TMEM63B: variants seen among roughly 807,000 people sequenced by gnomAD.
The protein encoded by TMEM63B is transmembrane protein 63B, also known as mechanosensitive cation channel TMEM63B.
TMEM63B carries 23 observed loss-of-function variants against 102.6 expected under a neutral mutation model. The observed-to-expected ratio is 0.22, with a 90% CI of 0.16 to 0.32. TMEM63B has a LOEUF of 0.32. TMEM63B is among the 10% of genes least tolerant of loss of function. The probability of loss-of-function intolerance (pLI) is 1.00; values close to 1 mark genes in which losing one functional copy is unlikely to be tolerated. For missense variants in TMEM63B, 628 were observed against 1,095.9 expected, an observed-to-expected ratio of 0.57 and a Z score of 6.03; for synonymous variants, 444 against 437.0, an observed-to-expected ratio of 1.02 and a Z score of -0.20.
At chr6:44,141,214 G>C (rs1438210013) in intron 10 of TMEM63B, 116 bp downstream of exon 10, 1 of 1,039,818 alleles carries the variant, frequency 9.6e-7, no homozygotes, top group Admixed American at 2.9e-5. Flanking sequence ...GTGGGATAGA[G>C]ATTAGATCCA....
At chr6:44,144,063 G>A (rs948409654) in intron 10 of TMEM63B, among the ~76,000 whole-genome samples, 3 of 152,174 alleles carry the variant, frequency 2.0e-5, no homozygotes, top group Non-Finnish European at 4.4e-5. Flanking sequence ...TATAAGCAGG[G>A]GTAAGGGAGA....
intron 4 of TMEM63B, among the ~76,000 whole-genome samples, chr6:44,136,034 CA>C (rs1400149549): frequency 6.6e-6 from 1 of 152,160 alleles, no homozygotes; most frequent in African/African-American, 2.4e-5. Flanking sequence ...CCCTGCCAGT[CA>C]ACTCTGGAAC....
At chr6:44,140,928 TCAAAA>T (rs1465261829) in intron 9 of TMEM63B, 95 bp from the exon 10 acceptor site, 9 of 1,063,278 alleles carry the variant, frequency 8.5e-6, no homozygotes, top group African/African-American at 3.2e-5. Context: ...CTCTACCCAC[TCAAAA>T]CAAAGCCTCT....
chr6:44,139,596 A>G lies in TMEM63B; in HGVS notation c.537A>G (p.Ser179=), dbSNP rs747373916. Residue 179 remains serine (S), a synonymous_variant, in exon 7 of 24, where the codon TCA becomes TCG. Transcript: ENST00000323267. ...SVGIVLPVNF[S]GDLLENNAYS... Reference sequence around the variant, plus strand: ...GCATCGTGCTGCCTGTCAACTTCTCAGGGGACCTGCTGGGTCAGTGAGGGC... The same window carrying G: ...GCATCGTGCTGCCTGTCAACTTCTCGGGGGACCTGCTGGGTCAGTGAGGGC... The G allele has an allele frequency of 9.9e-6, 16 of 1,614,062 alleles. No homozygotes were observed. The East Asian group carries it at 2.2e-4, about 22-fold the overall frequency.
At chr6:44,153,883 G>C (rs764864259) in intron 21 of TMEM63B, 40 bp downstream of exon 21, 2 of 1,598,632 alleles carry the variant, frequency 1.3e-6, no homozygotes, top group Non-Finnish European at 1.7e-6. Flanking sequence ...GTGGCGAGCA[G>C]AGTGGATTCC....
rs1767867177 is a variant in TMEM63B at position 44,155,474 on chromosome 6, CT to C, written c.*597del. ...CTGTTTTTTTTTTGGTTTTTTTGTT[CT>C]TTTTTGTTTTTTTCCTTTAAAATAA... On this transcript the variant is annotated 3_prime_UTR_variant, in exon 24 of 24. Coordinates refer to ENST00000323267, the MANE Select transcript of TMEM63B (RefSeq NM_018426.3). 1 of 150,394 alleles carries C rather than the reference CT, an allele frequency of 6.6e-6. No homozygotes were observed. 9.3% of individuals were successfully genotyped at this position (150,394 alleles called of 1,614,324 possible). A position where few individuals can be genotyped will look rare whatever the true frequency, so the allele number is the denominator to read the frequency against.
intron 23 of TMEM63B, 85 bp from the exon 24 acceptor site, chr6:44,154,607 A>C: frequency 6.8e-7 from 1 of 1,478,558 alleles, no homozygotes; most frequent in Admixed American, 2.2e-5. Flanking sequence ...GGCCCTGCCC[A>C]CTCTGCTGTC....
chr6:44,127,523 T>TC (rs1193911550), upstream of TMEM63B: 12 of 71,940 alleles, frequency 1.7e-4, no homozygotes, highest in Admixed American at 4.9e-4. Context: ...CTCCGCCCCC[T>TC]CCCCCTCCCT....
Position 44,154,800 on chromosome 6 carries a change from T to C in TMEM63B, c.2416T>C (p.Leu806=). 1 of 1,610,228 alleles carries C rather than the reference T, an allele frequency of 6.2e-7. No individual in the cohort carries two copies. Among genetic ancestry groups the C allele is most frequent in the Non-Finnish European group, 8.5e-7 (1 of 1,179,078 alleles). ...ATCATCCTCATCCCAAGATGAGGAG[T>C]TGCTGATGCCACCCGACGCCCTCAC... ...PPSSSSQDEE[L]LMPPDALTDT... is the part of the protein sequence containing the mutation. The change falls in exon 24 of 24, where the codon TTG becomes CTG. Residue 806 remains leucine, a synonymous_variant. Coordinates refer to ENST00000323267, the MANE Select transcript of TMEM63B (RefSeq NM_018426.3).
intron 4 of TMEM63B, 110 bp downstream of exon 4, chr6:44,135,476 C>T: frequency 7.5e-7 from 1 of 1,340,612 alleles, no homozygotes; most frequent in South Asian, 1.4e-5. Context: ...GCAGTTTTCT[C>T]CTCTGCAGGC....
At position 44,150,390 on chromosome 6, in the gene TMEM63B, C is replaced by T; in HGVS notation, c.1607+80C>T. On this transcript the variant is annotated intron_variant, in intron 17 of 23. Transcript: ENST00000323267. This position sits in a 1 kb window ranked among gnomAD's most constrained non-coding sequence, Gnocchi z 4.7. Reference sequence around the variant, plus strand: ...GAGGAGAGCAGTTCAGCCTCCCTACCTCCCCTACAAAGCAAGGGGCCCAAG... The same window carrying T: ...GAGGAGAGCAGTTCAGCCTCCCTACTTCCCCTACAAAGCAAGGGGCCCAAG... 1 of 1,503,690 alleles carries T rather than the reference C, an allele frequency of 6.7e-7. No individual in the cohort carries two copies. Among genetic ancestry groups the T allele is most frequent in the Non-Finnish European group, 9.2e-7 (1 of 1,081,542 alleles). 93.1% of individuals were successfully genotyped at this position (1,503,690 alleles called of 1,614,324 possible).
At chr6:44,154,612 G>A in intron 23 of TMEM63B, 80 bp from the exon 24 acceptor site, 1 of 1,487,884 alleles carries the variant, frequency 6.7e-7, no homozygotes. Context: ...TGCCCACTCT[G>A]CTGTCCTACA....
chr6:44,147,836 T>C (rs1294456845), intron 12 of TMEM63B, among the ~76,000 whole-genome samples: 1 of 152,026 alleles, frequency 6.6e-6, no homozygotes, highest in African/African-American at 2.4e-5. Flanking sequence ...TAAAGAAGCT[T>C]AGAGGTGCTG....
chr6:44,140,533 A>C, intron 9 of TMEM63B, 173 bp downstream of exon 9: 2 of 693,020 alleles, frequency 2.9e-6, no homozygotes, highest in East Asian at 2.7e-5. Context: ...TGATTTTCTC[A>C]TCTGTAAAAT....
chr6:44,143,699 G>T (rs1168162944), intron 10 of TMEM63B, among the ~76,000 whole-genome samples: 2 of 152,108 alleles, frequency 1.3e-5, no homozygotes, highest in African/African-American at 4.8e-5. Context: ...TCATTTTAGT[G>T]GGGAGGGGTG....
chr6:44,140,265 T>C lies in TMEM63B; in HGVS notation c.616T>C (p.Trp206Arg), dbSNP rs1302019812. 1.9e-6 allele frequency: 3 copies of C among 1,613,866 alleles called. No individual in the cohort carries two copies. Among genetic ancestry groups the C allele is most frequent in the Non-Finnish European group, 2.5e-6 (3 of 1,179,932 alleles). The part of the protein sequence containing the change: ...ANLKSGNNLL[W>R]LHTSFAFLYL... Reference sequence around the variant, plus strand: ...TGCTTCTCCCAGGAACAACCTGCTATGGCTGCACACCTCCTTCGCCTTCCT... The same window carrying C: ...TGCTTCTCCCAGGAACAACCTGCTACGGCTGCACACCTCCTTCGCCTTCCT... The change falls in exon 9 of 24, where the codon TGG becomes CGG. Residue 206 changes from tryptophan (W) to arginine (R), a missense_variant. Physicochemically the swap from Trp to Arg is moderately radical, Grantham distance 101. Transcript: ENST00000323267.
chr6:44,145,096 G>A (rs1369605170), intron 10 of TMEM63B, among the ~76,000 whole-genome samples: 2 of 151,626 alleles, frequency 1.3e-5, no homozygotes, highest in African/African-American at 2.4e-5. Flanking sequence ...CCAAGATGGT[G>A]AAACCCCATC....
intron 1 of TMEM63B, 137 bp from the exon 2 acceptor site, chr6:44,134,424 T>G (rs545301556): frequency 1.2e-6 from 1 of 858,630 alleles, no homozygotes; most frequent in East Asian, 2.7e-5. Context: ...CCCTAGGCCC[T>G]TATCTCCAGA....
rs780576768 is a variant in TMEM63B, at chr6:44,147,389, G to A, written c.876G>A (p.Glu292=). The A allele has an allele frequency of 1.1e-5, 17 of 1,614,200 alleles. No individual in the cohort carries two copies. Among genetic ancestry groups the A allele is most frequent in the Middle Eastern group, 1.6e-4 (1 of 6,062 alleles). ...MFLDAERKKA[E]RGKLYFTNLQ... ...CTGGGTCCCACAGGAAGAAGGCCGA[G>A]CGGGGAAAGCTGTACTTCACAAACC... is the stretch of plus-strand genomic sequence containing the variant. The change falls in exon 12 of 24, where the codon GAG becomes GAA. Residue 292 remains glutamate, a synonymous_variant. Coordinates refer to ENST00000323267, the MANE Select transcript of TMEM63B (RefSeq NM_018426.3).
Sources: allele counts gnomAD v4.1 joint callset (sites outside exome capture counted in the v4.1 genomes callset), GRCh38; gene constraint gnomAD v4.1.1; non-coding constraint Gnocchi (gnomAD v3.1); transcripts MANE v1.5; gene names NCBI Gene and HGNC (gene_info 2026-07-23, HGNC 2026-07-21).